Variants in PTPRB observed in about 807,000 individuals in gnomAD.
PTPRB encodes the protein receptor-type tyrosine-protein phosphatase beta.
Under a neutral mutation model 238.1 loss-of-function variants are expected in PTPRB, and 97 were observed. That is an observed-to-expected ratio of 0.41 (90% CI 0.35 to 0.48). The LOEUF (loss-of-function observed/expected upper bound fraction) is 0.48. Ranked by LOEUF, PTPRB falls within the 20% of genes least tolerant of loss-of-function variation. The pLI, the probability that PTPRB is intolerant of heterozygous loss-of-function variation, is 0.30. For synonymous variants in PTPRB, 970 were observed against 995.4 expected (o/e 0.97, Z 0.48); for missense variants, 2,292 against 2,681.9 (o/e 0.85, Z 3.21).
intron 21 of PTPRB, among the ~76,000 whole-genome samples, chr12:70,546,088 G>C (rs1425762800): frequency 1.4e-5 from 2 of 147,122 alleles, no homozygotes; most frequent in African/African-American, 5.0e-5. Context: ...AGTGAGCCAA[G>C]ATCATGCCAC....
At chr12:70,523,228 C>A (rs1871875943) in intron 33 of PTPRB, among the ~76,000 whole-genome samples, 1 of 152,068 alleles carries the variant, frequency 6.6e-6, no homozygotes, top group African/African-American at 2.4e-5. Flanking sequence ...AATTACAGCT[C>A]ACTGTAGCCT....
intron 3 of PTPRB, among the ~76,000 whole-genome samples, 160 bp downstream of exon 3, chr12:70,622,230 T>C (rs1447599474): frequency 6.6e-6 from 1 of 152,166 alleles, no homozygotes; most frequent in East Asian, 1.9e-4. Context: ...AGATTTTCAT[T>C]ATGTAAAATG....
intron 8 of PTPRB, among the ~76,000 whole-genome samples, chr12:70,587,572 T>G (rs553184352): frequency 4.6e-4 from 70 of 152,310 alleles, no homozygotes; most frequent in African/African-American, 1.5e-3. Context: ...AATCTTGTCA[T>G]TCACAAAATC....
At chr12:70,538,312 A>AT (rs1228710786) in intron 27 of PTPRB, 81 bp from the exon 28 acceptor site, 1 of 1,194,754 alleles carries the variant, frequency 8.4e-7, no homozygotes, top group Admixed American at 2.0e-5. Flanking sequence ...CTTAGCTCTG[A>AT]TCCCCACAAC....
chr12:70,611,691 A>G (rs1311797934), intron 3 of PTPRB, among the ~76,000 whole-genome samples: 1 of 152,270 alleles, frequency 6.6e-6, no homozygotes, highest in Non-Finnish European at 1.5e-5. Flanking sequence ...CAGACTTTTA[A>G]TCTACAGCCA....
chr12:70,608,829 C>T (rs558316095), intron 4 of PTPRB: 3 of 558,092 alleles, frequency 5.4e-6, no homozygotes, highest in East Asian at 6.4e-5. Context: ...CGCCCTGCAC[C>T]CCACCCCGAC....
At chr12:70,538,331 A>T in intron 27 of PTPRB, 100 bp from the exon 28 acceptor site, 2 of 948,750 alleles carry the variant, frequency 2.1e-6, no homozygotes, top group East Asian at 4.9e-5. Flanking sequence ...ACAGCCACAG[A>T]TGGGAAGTGA....
At position 70,587,256 on chromosome 12, in the gene PTPRB, C is replaced by T. The variant is rs746126343; in HGVS notation, c.2062G>A (p.Val688Ile). 1 of 1,613,792 alleles carries T rather than the reference C, an allele frequency of 6.2e-7. No homozygotes were observed. Among genetic ancestry groups the T allele is most frequent in the Admixed American group, 1.7e-5 (1 of 59,998 alleles). Residue 688 changes from valine (V) to isoleucine (I), a missense_variant, in exon 9 of 34, where the codon GTC becomes ATC. Physicochemically the swap from Val to Ile is conservative, Grantham distance 29. Coordinates refer to ENST00000334414, the MANE Select transcript of PTPRB (RefSeq NM_001109754.4). ...RCQGRTVPLA[V>I]LQLRVKHANE... ...GCATGTTTGACACGAAGCTGGAGGA[C>T]AGCCAGGGGGACTGAGGAAAAAGCA...
intron 2 of PTPRB, among the ~76,000 whole-genome samples, chr12:70,626,307 CTATCT>C (rs1885182998): frequency 4.4e-5 from 5 of 113,928 alleles, no homozygotes; most frequent in African/African-American, 1.8e-4. Flanking sequence ...ATCTATCTAT[CTATCT>C]ATCTATCTAT....
intron 2 of PTPRB, among the ~76,000 whole-genome samples, chr12:70,623,901 T>C (rs867016722): frequency 1.3e-5 from 2 of 152,110 alleles, no homozygotes; most frequent in Non-Finnish European, 2.9e-5. Flanking sequence ...AACTGATTAG[T>C]GCATTTCGTA....
chr12:70,566,545 G>A lies in PTPRB; in HGVS notation c.3794C>T (p.Thr1265Ile), dbSNP rs1879324083. The A allele has an allele frequency of 4.3e-6, 7 of 1,613,882 alleles. No homozygotes were observed. The highest frequency in any genetic ancestry group is 5.9e-6 in the Non-Finnish European group (7 of 1,179,892). The change falls in exon 15 of 34, where the codon ACT becomes ATT. Residue 1265 changes from threonine to isoleucine, a missense_variant. Transcript: ENST00000334414. Reference protein sequence around the residue: ...LLRNTSEPATTKQHKFEDLTP... With the variant: ...LLRNTSEPATIKQHKFEDLTP... ...TAGATCTTCAAATTTGTGTTGCTTA[G>A]TGGTGGCTGGCTCTGATGTGTTGCG... is the stretch of plus-strand genomic sequence containing the variant.
chr12:70,529,445 A>T (rs1244240053), intron 32 of PTPRB, among the ~76,000 whole-genome samples: 1 of 152,174 alleles, frequency 6.6e-6, no homozygotes, highest in Non-Finnish European at 1.5e-5. Flanking sequence ...TTACAAATTA[A>T]TTAGGGTTTG....
chr12:70,635,581 A>C, intron 2 of PTPRB, 90 bp downstream of exon 2: 1 of 1,428,440 alleles, frequency 7.0e-7, no homozygotes, highest in Non-Finnish European at 9.3e-7. Flanking sequence ...CTTCCCTTAA[A>C]TGTAAAACAA....
rs746961891 is a variant in PTPRB, at chr12:70,569,851, A to G, written c.3458T>C (p.Val1153Ala). 1.2e-6 allele frequency: 2 copies of G among 1,614,024 alleles called. No individual in the cohort carries two copies. The highest frequency in any genetic ancestry group is 1.1e-5 in the South Asian group (1 of 91,082). ...GAATGCCGACACCGTGTAGGAATCA[A>G]CGTCTCCCCCACCAGGAGTCCAGTT... ...TVNWTPGGGD[V>A]DSYTVSAFRH... The change falls in exon 14 of 34, where the codon GTT (valine) becomes GCT (alanine). Residue 1153 changes from valine to alanine, a missense_variant. By Grantham distance (64) the Val-to-Ala change is moderately conservative (BLOSUM62 0). Transcript: ENST00000334414.
At chr12:70,538,131 A>C in intron 28 of PTPRB, 24 bp downstream of exon 28, 1 of 1,596,180 alleles carries the variant, frequency 6.3e-7, no homozygotes, top group South Asian at 1.1e-5. Context: ...CATCCTGAAC[A>C]CTATGGCCTA....
At chr12:70,591,508 T>G (rs1328980039) in intron 7 of PTPRB, among the ~76,000 whole-genome samples, 1 of 152,184 alleles carries the variant, frequency 6.6e-6, no homozygotes, top group African/African-American at 2.4e-5. Context: ...TATAAATTAT[T>G]TAGTCAGTGC....
chr12:70,629,615 TAG>T (rs1316369492), intron 2 of PTPRB, among the ~76,000 whole-genome samples: 1 of 151,958 alleles, frequency 6.6e-6, no homozygotes, highest in Admixed American at 6.6e-5. Flanking sequence ...CTGAAAGAGA[TAG>T]AGACACAAAA....
At chr12:70,618,893 A>G (rs1566017814) in intron 3 of PTPRB, among the ~76,000 whole-genome samples, 2 of 152,212 alleles carry the variant, frequency 1.3e-5, no homozygotes, top group Non-Finnish European at 2.9e-5. Context: ...GAGAGAGAGC[A>G]CCACAGAGTT....
At chr12:70,522,085 A>G (rs756157074) in intron 33 of PTPRB, among the ~76,000 whole-genome samples, 68 of 152,306 alleles carry the variant, frequency 4.5e-4, no homozygotes, top group Non-Finnish European at 7.9e-4. Context: ...GGACTCCTCT[A>G]AATAGTAGCT....
Sources: gnomAD v4.1 joint callset for allele counts (sites outside exome capture counted in the v4.1 genomes callset) on GRCh38, gnomAD v4.1.1 for gene constraint, MANE v1.5 for transcripts, NCBI Gene and HGNC (gene_info 2026-07-23, HGNC 2026-07-21) for gene names.